EPB41L4A: variants seen among roughly 807,000 people sequenced by gnomAD.
The protein encoded by EPB41L4A is band 4.1-like protein 4A.
EPB41L4A carries 100 observed loss-of-function variants against 108.6 expected under a neutral mutation model. That is an observed-to-expected ratio of 0.92 (90% CI 0.78 to 1.09). The LOEUF is 1.09. Ranked by LOEUF, EPB41L4A falls within the 50% of genes least tolerant of loss-of-function variation. The pLI, the probability that EPB41L4A is intolerant of heterozygous loss-of-function variation, is 0.00. For synonymous variants in EPB41L4A, 319 were observed against 289.0 expected (o/e 1.10, Z -1.05); for missense variants, 1,030 against 842.7 (o/e 1.22, Z -2.75).
At chr5:112,236,620 G>A (rs768436858) in intron 11 of EPB41L4A, among the ~76,000 whole-genome samples, 2 of 152,132 alleles carry the variant, frequency 1.3e-5, no homozygotes, top group Non-Finnish European at 2.9e-5. Context: ...TCTCTGTTAC[G>A]ACAGGACACA....
At position 112,169,107 on chromosome 5, in the gene EPB41L4A, T is replaced by C. The variant is rs1361404652; in HGVS notation, c.1740-2A>G. Reference sequence around the variant, plus strand: ...ATGCGGATTGGGTCACCTTGTGTCCTGAACAAGCAACCAAGAAACATGAAA... The same window carrying C: ...ATGCGGATTGGGTCACCTTGTGTCCCGAACAAGCAACCAAGAAACATGAAA... On this transcript the variant is annotated splice_acceptor_variant, in intron 20 of 22. Coordinates refer to ENST00000261486, the MANE Select transcript of EPB41L4A (RefSeq NM_022140.5). LOFTEE classifies it high-confidence loss of function. The C allele has an allele frequency of 1.2e-6, 2 of 1,606,388 alleles. No homozygotes were observed. Among genetic ancestry groups the C allele is most frequent in the Non-Finnish European group, 8.5e-7 (1 of 1,173,038 alleles).
intron 1 of EPB41L4A, among the ~76,000 whole-genome samples, chr5:112,349,959 G>A (rs1757936303): frequency 6.6e-6 from 1 of 152,184 alleles, no homozygotes; most frequent in African/African-American, 2.4e-5. Flanking sequence ...AGATCATAGG[G>A]GCGAAGACGA....
At chr5:112,143,843 G>A (rs1475555710) in exon 14 of EPB41L4A, 2 of 455,674 alleles carry the variant, frequency 4.4e-6, no homozygotes, top group Non-Finnish European at 8.8e-6. Context: ...CACTTCATGT[G>A]CTGACCCTGT....
chr5:112,215,578 ATG>A (rs1429233746), intron 12 of EPB41L4A, among the ~76,000 whole-genome samples: 3 of 152,026 alleles, frequency 2.0e-5, no homozygotes, highest in East Asian at 1.9e-4. Flanking sequence ...CTGGTTAACA[ATG>A]GTGAAACCCC....
intron 18 of EPB41L4A, chr5:112,175,218 C>G (rs946454589): frequency 3.9e-5 from 6 of 152,238 alleles, no homozygotes; most frequent in Non-Finnish European, 5.9e-5. Flanking sequence ...CAGGTTTGAC[C>G]CTACCAAAAC....
chr5:112,393,604 C>T (rs1761109103), intron 1 of EPB41L4A, among the ~76,000 whole-genome samples: 2 of 151,988 alleles, frequency 1.3e-5, no homozygotes, highest in African/African-American at 4.8e-5. Context: ...AATTAATAAC[C>T]TATCAACCAA....
intron 2 of EPB41L4A, among the ~76,000 whole-genome samples, chr5:112,293,938 G>A (rs1238254089): frequency 2.0e-5 from 3 of 152,148 alleles, no homozygotes; most frequent in African/African-American, 7.2e-5. Context: ...TCTACTTTTA[G>A]AAGTGCTATT....
At chr5:112,332,499 T>C (rs1756630876) in intron 1 of EPB41L4A, among the ~76,000 whole-genome samples, 1 of 152,212 alleles carries the variant, frequency 6.6e-6, no homozygotes, top group African/African-American at 2.4e-5. Context: ...AAACTCTGGC[T>C]GAAGAGAGAT....
intron 1 of EPB41L4A, among the ~76,000 whole-genome samples, chr5:112,386,555 T>C (rs552577305): frequency 2.0e-5 from 3 of 152,212 alleles, no homozygotes; most frequent in Non-Finnish European, 4.4e-5. Flanking sequence ...ATTCAAAATA[T>C]TATTGGATGT....
rs145096816 is a variant in EPB41L4A at position 112,222,014 on chromosome 5, A to T, written c.1088-12032T>A. Reference sequence around the variant, plus strand: ...ACAGCCTGCAACAAACATACACCTGACTATATGGTCTACCTAATGCTCCTT... The same window carrying T: ...ACAGCCTGCAACAAACATACACCTGTCTATATGGTCTACCTAATGCTCCTT... On this transcript the variant is annotated intron_variant, in intron 12 of 22. Coordinates refer to ENST00000261486, the MANE Select transcript of EPB41L4A (RefSeq NM_022140.5). 3.6e-3 allele frequency among the ~76,000 whole-genome samples: 547 copies of T among 152,338 alleles called. 4 individuals carry two copies. The highest frequency in any genetic ancestry group is 5.6e-3 in the Non-Finnish European group (382 of 68,030).
intron 22 of EPB41L4A, among the ~76,000 whole-genome samples, chr5:112,167,211 T>C (rs192377634): frequency 1.3e-5 from 2 of 149,360 alleles, no homozygotes; most frequent in Admixed American, 6.7e-5. Context: ...TGTATAAAAA[T>C]TGAGGCTTAG....
chr5:112,330,729 T>G (rs571585967), intron 1 of EPB41L4A, among the ~76,000 whole-genome samples: 2 of 151,822 alleles, frequency 1.3e-5, no homozygotes, highest in Admixed American at 6.6e-5. Context: ...GTGTGCAGAG[T>G]ATTCTATTCT....
At chr5:112,317,575 T>C (rs921109863) in intron 1 of EPB41L4A, among the ~76,000 whole-genome samples, 5 of 152,178 alleles carry the variant, frequency 3.3e-5, no homozygotes, top group Non-Finnish European at 1.5e-5. Flanking sequence ...ATTCCTAATG[T>C]TATTAGTTTG....
Position 112,195,722 on chromosome 5 carries a change from T to C in EPB41L4A, c.1377-14A>G. 2 of 1,610,448 alleles carry C rather than the reference T, an allele frequency of 1.2e-6. No homozygotes were observed. The highest frequency in any genetic ancestry group is 1.7e-6 in the Non-Finnish European group (2 of 1,178,266). On this transcript the variant is annotated splice_polypyrimidine_tract_variant and intron_variant, in intron 15 of 22. Transcript: ENST00000261486. ...TTATGGGCTTTCCTGTGAAAACAAA[T>C]GAAGACATTTAAGAAAACAGGAGAT...
At chr5:112,326,163 T>G (rs753434618) in intron 1 of EPB41L4A, among the ~76,000 whole-genome samples, 7 of 152,066 alleles carry the variant, frequency 4.6e-5, no homozygotes, top group Non-Finnish European at 8.8e-5. Flanking sequence ...AAAAAAATTT[T>G]TTTTAAATTA....
intron 2 of EPB41L4A, among the ~76,000 whole-genome samples, chr5:112,298,874 G>A (rs1420070263): frequency 6.6e-6 from 1 of 152,054 alleles, no homozygotes. Flanking sequence ...TTTAAGCTAG[G>A]AGGGTTGTCT....
intron 12 of EPB41L4A, among the ~76,000 whole-genome samples, chr5:112,155,538 G>A (rs1240994849): frequency 1.3e-5 from 2 of 152,118 alleles, no homozygotes; most frequent in Non-Finnish European, 2.9e-5. Flanking sequence ...CATCCTCAGT[G>A]TGAATCATTC....
chr5:112,157,912 A>T (rs1271791517), downstream of EPB41L4A, among the ~76,000 whole-genome samples: 2 of 152,218 alleles, frequency 1.3e-5, no homozygotes, highest in Non-Finnish European at 2.9e-5. Context: ...GCCTCAGCCC[A>T]GCAGGCAAGG....
intron 1 of EPB41L4A, among the ~76,000 whole-genome samples, chr5:112,313,829 C>T (rs989665608): frequency 1.3e-5 from 2 of 150,872 alleles, no homozygotes; most frequent in Non-Finnish European, 2.9e-5. Context: ...AATTCATACT[C>T]CCCAACCGCT....
Sources: gnomAD v4.1 joint callset for allele counts (sites outside exome capture counted in the v4.1 genomes callset) on GRCh38, gnomAD v4.1.1 for gene constraint, MANE v1.5 for transcripts, NCBI Gene and HGNC (gene_info 2026-07-23, HGNC 2026-07-21) for gene names.